Variants in TFB1M observed in about 807,000 individuals in gnomAD.
TFB1M encodes transcription factor B1, mitochondrial.
A neutral mutation model predicts 31.1 loss-of-function variants in TFB1M; 27 were observed. The ratio of observed to expected loss-of-function variants is 0.87; its 90% CI spans 0.64 to 1.20. The LOEUF is 1.20. Among genes scored for constraint, TFB1M ranks in the 50% most tolerant of loss-of-function variants. The probability of loss-of-function intolerance (pLI) is 0.00; values close to 1 mark genes in which losing one functional copy is unlikely to be tolerated. For missense variants in TFB1M, 394 were observed against 418.7 expected (o/e 0.94, Z 0.51); for synonymous variants, 166 against 151.8 (o/e 1.09, Z -0.69).
chr6:155,251,787 C>T (rs182150229), downstream of TFB1M, among the ~76,000 whole-genome samples: 188 of 152,160 alleles, frequency 1.2e-3, 2 homozygotes, highest in African/African-American at 4.4e-3. Flanking sequence ...CAAATATGAG[C>T]GAAAGGGAAG....
chr6:155,240,704 G>A, the TFB1M span: 167 of 1,610,666 alleles, frequency 1.0e-4, no homozygotes, highest in Middle Eastern at 1.6e-4. Flanking sequence ...GAAGTCCTAC[G>A]TGAAGGTAAG....
the TFB1M span, chr6:155,232,837 T>C: frequency 0.72 from 108,883 of 152,002 alleles, 39,603 homozygotes; most frequent in African/African-American, 0.75. Context: ...TTACGGATCC[T>C]CCCCCAACAT....
In TFB1M at chr6:155,298,581, A is replaced by C. The variant is rs1461562137; in HGVS notation, c.290T>G (p.Leu97Arg). 1 of 1,604,562 alleles carries C rather than the reference A, an allele frequency of 6.2e-7. No individual in the cohort carries two copies. Among genetic ancestry groups the C allele is most frequent in the East Asian group, 2.2e-5 (1 of 44,712 alleles). ...DTRFIPGLQM[L>R]SDAAPGKLRI... is the part of the protein sequence containing the mutation. ...CAGTTTCCCAGGTGCTGCATCAGAAAGCATCTAGTTTATAAAAAGATCAGT... is the reference window on the plus strand; with the variant it reads ...CAGTTTCCCAGGTGCTGCATCAGAACGCATCTAGTTTATAAAAAGATCAGT... The change falls in exon 3 of 7, where the codon CTT becomes CGT. Residue 97 changes from leucine to arginine, a missense_variant. Physicochemically the swap from Leu to Arg is moderately radical, Grantham distance 102. Around this residue, in one of 3 missense-constraint regions of TFB1M, gnomAD observed 273 missense variants for 256.4 expected, o/e 1.06. Transcript: ENST00000367166.
chr6:155,257,216 T>A lies in TFB1M; in HGVS notation c.*620A>T. ...AAAAAAAAAAAAAAAAAAAAACTGT[T>A]CATTCCTGGGTTTTGTGCAGTATAC... On this transcript the variant is annotated 3_prime_UTR_variant, in exon 7 of 7. Transcript: ENST00000367166. 1 of 1,182,850 alleles carries A rather than the reference T, an allele frequency of 8.5e-7. No individual in the cohort carries two copies. The highest frequency in any genetic ancestry group is 1.2e-6 in the Non-Finnish European group (1 of 842,528). 73.3% of individuals were successfully genotyped at this position (1,182,850 alleles called of 1,614,324 possible).
chr6:155,285,343 A>G, intron 4 of TFB1M, 66 bp from the exon 5 acceptor site: 1 of 1,596,316 alleles, frequency 6.3e-7, no homozygotes, highest in Non-Finnish European at 8.6e-7. Flanking sequence ...AAAAAGAGTC[A>G]ACATTCCATT....
At chr6:155,255,702 TA>T (rs1237134936), downstream of TFB1M, 5 of 152,178 alleles carry the variant, frequency 3.3e-5, no homozygotes, top group African/African-American at 1.2e-4. Context: ...ATATGAGAGA[TA>T]AAGAGCATTT....
At chr6:155,241,532 G>A in the TFB1M span, among the ~76,000 whole-genome samples, 26 of 152,228 alleles carry the variant, frequency 1.7e-4, no homozygotes, top group African/African-American at 6.0e-4. Context: ...CAACTCTGAC[G>A]TGCTGGGTCC....
the TFB1M span, among the ~76,000 whole-genome samples, chr6:155,233,148 G>A: frequency 6.6e-6 from 1 of 152,130 alleles, no homozygotes; most frequent in African/African-American, 2.4e-5. Flanking sequence ...CAAAATTTCA[G>A]GCATAGTCTT....
intron 2 of TFB1M, among the ~76,000 whole-genome samples, chr6:155,309,105 A>T (rs2114814209): frequency 6.6e-6 from 1 of 152,346 alleles, no homozygotes; most frequent in African/African-American, 2.4e-5. Flanking sequence ...CTTCACATTT[A>T]GAAAAAAGAG....
At chr6:155,295,693 C>T (rs1777139374) in intron 4 of TFB1M, among the ~76,000 whole-genome samples, 1 of 152,080 alleles carries the variant, frequency 6.6e-6, no homozygotes, top group Non-Finnish European at 1.5e-5. Flanking sequence ...ATGGATCCAA[C>T]CAATCCCAGA....
chr6:155,286,355 AAGAC>A (rs71023636), intron 4 of TFB1M, among the ~76,000 whole-genome samples: 19,358 of 151,644 alleles, frequency 0.13, 1,511 homozygotes, highest in Non-Finnish European at 0.18. Flanking sequence ...TATATAAGAA[AAGAC>A]AGACAGACAG....
chr6:155,238,634 C>A, the TFB1M span, among the ~76,000 whole-genome samples: 166 of 152,372 alleles, frequency 1.1e-3, no homozygotes, highest in African/African-American at 3.9e-3. Context: ...TTGGAGCAGG[C>A]TCCCTCCAGG....
chr6:155,241,500 T>A, the TFB1M span, among the ~76,000 whole-genome samples: 3 of 152,062 alleles, frequency 2.0e-5, no homozygotes, highest in Non-Finnish European at 4.4e-5. Context: ...AGACACTCGG[T>A]CCCCCTTCTC....
intron 2 of TFB1M, among the ~76,000 whole-genome samples, chr6:155,308,656 C>T (rs1161064542): frequency 6.6e-6 from 1 of 152,200 alleles, no homozygotes; most frequent in East Asian, 1.9e-4. Flanking sequence ...TTATAACATG[C>T]TGAGCATGAA....
chr6:155,285,524 C>T (rs537407702), intron 4 of TFB1M, among the ~76,000 whole-genome samples: 9 of 152,322 alleles, frequency 5.9e-5, no homozygotes, highest in African/African-American at 2.2e-4. Context: ...AACATTTGCT[C>T]TACCAATGGC....
At chr6:155,305,492 AATATATATTAAATTATATATTTAT>A (rs1562425447) in intron 2 of TFB1M, among the ~76,000 whole-genome samples, 5 of 25,492 alleles carry the variant, frequency 2.0e-4, no homozygotes, top group South Asian at 2.4e-3. Flanking sequence ...TATATATATA[AATATATATTAAATTATATATTTAT>A]ATATATATTA....
At chr6:155,311,076 A>G in intron 2 of TFB1M, 112 bp downstream of exon 2, 1 of 1,181,664 alleles carries the variant, frequency 8.5e-7, no homozygotes, top group East Asian at 2.4e-5. Context: ...TTGGGGATCT[A>G]TAGTTGAGGA....
intron 1 of TFB1M, among the ~76,000 whole-genome samples, chr6:155,313,492 T>C (rs1383129228): frequency 6.6e-6 from 1 of 152,198 alleles, no homozygotes; most frequent in Non-Finnish European, 1.5e-5. Context: ...AGCCGTGACT[T>C]AGTAGACGTA....
intron 5 of TFB1M, among the ~76,000 whole-genome samples, chr6:155,284,331 A>G (rs1776524632): frequency 1.3e-5 from 2 of 152,220 alleles, no homozygotes; most frequent in East Asian, 3.8e-4. Context: ...TGAAGGATAC[A>G]TGATGCAAGG....
Sources: allele counts gnomAD v4.1 joint callset (sites outside exome capture counted in the v4.1 genomes callset), GRCh38; gene constraint gnomAD v4.1.1; regional missense constraint gnomAD v4.1.1; transcripts MANE v1.5; gene names NCBI Gene and HGNC (gene_info 2026-07-23, HGNC 2026-07-21).